Variants in NBPF14 observed in about 807,000 individuals in gnomAD.
NBPF14 encodes NBPF member 14, also known as NBPF family member NBPF14.
Under a neutral mutation model 91.2 loss-of-function variants are expected in NBPF14, and 104 were observed. The ratio of observed to expected loss-of-function variants is 1.14; its 90% confidence interval spans 0.97 to 1.34. The LOEUF is 1.34. Among genes scored for constraint, NBPF14 ranks in the 40% most tolerant of loss-of-function variants. The pLI, the probability that NBPF14 is intolerant of heterozygous loss-of-function variation, is 0.00. For synonymous variants in NBPF14, 294 were observed against 303.8 expected, an observed-to-expected ratio of 0.97 and a Z score of 0.34; for missense variants, 908 against 783.0, an observed-to-expected ratio of 1.16 and a Z score of -1.91.
chr1:148,592,586 T>C, exon 4 of NBPF14: 3 of 1,511,478 alleles, frequency 2.0e-6, no homozygotes, highest in Non-Finnish European at 1.8e-6. Flanking sequence ...GCTGTGCCAG[T>C]CTACACCCCT....
chr1:148,534,613 T>G (rs1160094283), intron 69 of NBPF14, 71 bp downstream of exon 69: 10 of 908,792 alleles, frequency 1.1e-5, no homozygotes, highest in Admixed American at 1.7e-5. Context: ...TAAGGGCCAC[T>G]TGGAATAGGA....
intron 24 of NBPF14, among the ~76,000 whole-genome samples, 198 bp from the exon 25 acceptor site, chr1:148,569,625 GAC>G (rs1476682564): frequency 4.1e-5 from 1 of 24,366 alleles, no homozygotes; most frequent in East Asian, 1.5e-3. Flanking sequence ...GACAGACAGA[GAC>G]AGAGACAGAG....
At position 148,569,244 on chromosome 1, in the gene NBPF14, A is replaced by T. The variant is rs1415670874; in HGVS notation, c.3265+11T>A. On this transcript the variant is annotated intron_variant, in intron 25 of 70. Transcript: ENST00000619423. ...AGTGGATCCTTATCACCTTCATAGA[A>T]AGGTACTCACCATCCATGTCAACAG... is the stretch of plus-strand genomic sequence containing the variant. The T allele has an allele frequency of 2.9e-6, 1 of 340,370 alleles. No homozygotes were observed. Among genetic ancestry groups the T allele is most frequent in the Admixed American group, 5.4e-5 (1 of 18,572 alleles). The allele number at this position is 340,370 out of a possible 1,614,324, so 21.1% of individuals were successfully genotyped here.
intron 14 of NBPF14, among the ~76,000 whole-genome samples, chr1:148,577,604 C>A (rs1200452706): frequency 6.7e-6 from 1 of 149,474 alleles, no homozygotes; most frequent in East Asian, 2.0e-4. Context: ...CGAGGTCAGT[C>A]AATTGGTCAG....
intron 67 of NBPF14, among the ~76,000 whole-genome samples, chr1:148,535,918 G>T: frequency 6.6e-6 from 1 of 150,542 alleles, no homozygotes; most frequent in Non-Finnish European, 1.5e-5. Flanking sequence ...AAATCTACAA[G>T]ATCTACAAAA....
At chr1:148,532,412 G>C (rs1253617070) in exon 71 of NBPF14, 3 of 162,052 alleles carry the variant, frequency 1.9e-5, no homozygotes, top group African/African-American at 4.9e-5. Context: ...TGTCCATCTA[G>C]CTGTGGTCTT....
intron 21 of NBPF14, 118 bp downstream of exon 21, chr1:148,572,325 T>C (rs1659221394): frequency 3.9e-6 from 1 of 255,902 alleles, no homozygotes; most frequent in Non-Finnish European, 6.7e-6. Context: ...TATGCGCCCA[T>C]AGGTCCTGCC....
rs1432427701 is a variant in NBPF14, at chr1:148,595,220, A to G, written c.175+323T>C. Among the ~76,000 whole-genome samples the G allele has an allele frequency of 8.8e-4, 130 of 147,878 alleles. 8 individuals carry two copies. The highest frequency in any genetic ancestry group is 3.1e-3 in the African/African-American group (125 of 40,326). ...AACAGACTAGATGTTATTTGTCTGCAGGATCTTATATGGTACAGAGAGGAT... is the reference window on the plus strand; with the variant it reads ...AACAGACTAGATGTTATTTGTCTGCGGGATCTTATATGGTACAGAGAGGAT... On this transcript the variant is annotated intron_variant, in intron 2 of 70. Transcript: ENST00000619423.
At chr1:148,561,818 CAGAGAG>C (rs1192573908) in intron 34 of NBPF14, among the ~76,000 whole-genome samples, 2 of 128,788 alleles carry the variant, frequency 1.6e-5, no homozygotes, top group African/African-American at 4.0e-5. Flanking sequence ...CACACACACA[CAGAGAG>C]AGAGAGAGAG....
At chr1:148,585,847 GGA>G (rs1347039304) in intron 9 of NBPF14, among the ~76,000 whole-genome samples, 1 of 135,110 alleles carries the variant, frequency 7.4e-6, no homozygotes, top group African/African-American at 3.1e-5. Flanking sequence ...TGTCTGCCAC[GGA>G]GAGAGAGAAA....
At chr1:148,535,149 G>C (rs1240807617) in intron 68 of NBPF14, among the ~76,000 whole-genome samples, 1 of 148,810 alleles carries the variant, frequency 6.7e-6, no homozygotes, top group Non-Finnish European at 1.5e-5. Flanking sequence ...GTGCCCTCGG[G>C]ACACACAGCG....
At chr1:148,585,402 T>C (rs1299120575) in intron 9 of NBPF14, among the ~76,000 whole-genome samples, 189 bp from the exon 10 acceptor site, 2 of 151,942 alleles carry the variant, frequency 1.3e-5, no homozygotes, top group African/African-American at 4.8e-5. Flanking sequence ...ATTTCTGATC[T>C]GGAGGGCCAC....
chr1:148,557,087 C>G (rs1421573415), intron 40 of NBPF14, among the ~76,000 whole-genome samples: 2,900 of 103,662 alleles, frequency 0.028, 6 homozygotes, highest in South Asian at 0.033. Flanking sequence ...CACACACACA[C>G]AGAGAGAGAG....
chr1:148,566,355 A>G (rs1658264090), intron 28 of NBPF14, 40 bp from the exon 29 acceptor site: 8 of 751,186 alleles, frequency 1.1e-5, no homozygotes, highest in Non-Finnish European at 1.7e-5. Flanking sequence ...GCCAGGGGAA[A>G]TCAGACACAA....
chr1:148,536,031 G>C (rs1398665668), intron 67 of NBPF14, among the ~76,000 whole-genome samples, 193 bp downstream of exon 67: 2 of 150,126 alleles, frequency 1.3e-5, no homozygotes, highest in East Asian at 2.0e-4. Context: ...ACTAGGAAGA[G>C]AGCCTTGCTC....
chr1:148,587,204 C>G, intron 8 of NBPF14, 97 bp downstream of exon 8: 1 of 1,074,078 alleles, frequency 9.3e-7, no homozygotes, highest in Non-Finnish European at 1.4e-6. Flanking sequence ...CTGCCCTTCC[C>G]CTGGCCCAGC....
exon 71 of NBPF14, chr1:148,532,271 A>G: frequency 6.6e-6 from 1 of 152,066 alleles, no homozygotes; most frequent in Non-Finnish European, 1.5e-5. Context: ...TTTCTGCAAG[A>G]ACATGGCATT....
At chr1:148,578,942 C>A (rs1660504811) in intron 13 of NBPF14, 132 bp downstream of exon 13, 2 of 686,156 alleles carry the variant, frequency 2.9e-6, no homozygotes, top group Non-Finnish European at 2.6e-6. Flanking sequence ...TGACTGAAAT[C>A]TACATTGATA....
At chr1:148,584,200 CT>C (rs1323586497) in intron 11 of NBPF14, among the ~76,000 whole-genome samples, 1 of 150,024 alleles carries the variant, frequency 6.7e-6, no homozygotes, top group Non-Finnish European at 1.5e-5. Flanking sequence ...TGAATCGAAG[CT>C]AGGAGGCCTG....
Sources: gnomAD v4.1 joint callset for allele counts (sites outside exome capture counted in the v4.1 genomes callset) on GRCh38, gnomAD v4.1.1 for gene constraint, MANE v1.5 for transcripts, NCBI Gene and HGNC (gene_info 2026-07-23, HGNC 2026-07-21) for gene names.